SHQ1: variants seen among roughly 807,000 people sequenced by gnomAD.
SHQ1 encodes protein SHQ1 homolog.
SHQ1 carries 49 observed loss-of-function variants against 53.8 expected under a neutral mutation model. That is an observed-to-expected ratio of 0.91 (90% CI 0.72 to 1.16). SHQ1 has a LOEUF of 1.16. Ranked by LOEUF, SHQ1 falls within the 50% of genes most tolerant of loss-of-function variation. The pLI, the probability that SHQ1 is intolerant of heterozygous loss-of-function variation, is 0.00. For synonymous variants in SHQ1, 243 were observed against 251.0 expected (o/e 0.97, Z 0.30); for missense variants, 738 against 683.1 (o/e 1.08, Z -0.90).
chr3:72,760,542 T>C (rs1323380670), intron 10 of SHQ1, among the ~76,000 whole-genome samples: 1 of 152,198 alleles, frequency 6.6e-6, no homozygotes, highest in Admixed American at 6.5e-5. Flanking sequence ...CTGGGTACTT[T>C]GATGCAGCTT....
intron 4 of SHQ1, among the ~76,000 whole-genome samples, chr3:72,838,951 TAA>T (rs553872568): frequency 5.9e-5 from 8 of 136,490 alleles, no homozygotes; most frequent in African/African-American, 5.3e-5. Context: ...TATAGCAGCT[TAA>T]AAAAAAAAAA....
At chr3:72,753,384 G>C (rs1253525913) in intron 10 of SHQ1, 1 of 985,274 alleles carries the variant, frequency 1.0e-6, no homozygotes, top group Admixed American at 6.2e-5. Flanking sequence ...GAACAAAGAT[G>C]GTATTTTAAT....
chr3:72,772,755 T>C (rs867700307), intron 10 of SHQ1: 31 of 751,248 alleles, frequency 4.1e-5, no homozygotes, highest in South Asian at 4.0e-4. Flanking sequence ...ATGATCTTCA[T>C]GGAATCCCTA....
intron 9 of SHQ1, among the ~76,000 whole-genome samples, chr3:72,799,880 C>T (rs1706733887): frequency 6.6e-6 from 1 of 152,136 alleles, no homozygotes; most frequent in Non-Finnish European, 1.5e-5. Flanking sequence ...TACCATCTAT[C>T]CAAGTCTCAA....
Position 72,817,280 on chromosome 3 carries a change from TATCA to T in SHQ1, c.828_831del (p.Asp277SerfsTer27), listed in dbSNP as rs571329853. ...GTTTCATAGCAATATGCCAGAAGGATATCAATCAAACTGTAGCACACTTGACGAC... is the reference window on the plus strand; with the variant it reads ...GTTTCATAGCAATATGCCAGAAGGATATCAAACTGTAGCACACTTGACGAC... On this transcript the variant is annotated frameshift_variant, in exon 7 of 11. Coordinates refer to ENST00000325599, the MANE Select transcript of SHQ1 (RefSeq NM_018130.3). LOFTEE classifies it high-confidence loss of function. The T allele has an allele frequency of 1.2e-3, 1,859 of 1,613,892 alleles. No individual in the cohort carries two copies. The highest frequency in any genetic ancestry group is 1.5e-3 in the Non-Finnish European group (1,735 of 1,179,814).
At chr3:72,822,902 C>A (rs1707521834) in intron 6 of SHQ1, among the ~76,000 whole-genome samples, 1 of 152,168 alleles carries the variant, frequency 6.6e-6, no homozygotes, top group Non-Finnish European at 1.5e-5. Flanking sequence ...GTAATCCCAG[C>A]ACTTTGGGAG....
intron 9 of SHQ1, among the ~76,000 whole-genome samples, chr3:72,799,402 T>G (rs1706719593): frequency 6.6e-6 from 1 of 152,198 alleles, no homozygotes; most frequent in Non-Finnish European, 1.5e-5. Flanking sequence ...ACACTAATTT[T>G]CATATGTCAT....
intron 4 of SHQ1, among the ~76,000 whole-genome samples, chr3:72,832,820 C>T (rs565243462): frequency 6.6e-6 from 1 of 152,320 alleles, no homozygotes; most frequent in East Asian, 1.9e-4. Context: ...TCCCCATTTA[C>T]ACCTAGAGAT....
intron 2 of SHQ1, 21 bp downstream of exon 2, chr3:72,844,338 C>G (rs1559703211): frequency 6.2e-7 from 1 of 1,605,026 alleles, no homozygotes; most frequent in African/African-American, 1.3e-5. Flanking sequence ...AATAAACTAA[C>G]AAAAATTCCA....
At chr3:72,809,059 C>A (rs77398920) in intron 9 of SHQ1, among the ~76,000 whole-genome samples, 14 of 152,164 alleles carry the variant, frequency 9.2e-5, no homozygotes, top group Non-Finnish European at 1.8e-4. Context: ...GAGAGTACAA[C>A]CTGCTTACCC....
At chr3:72,777,861 T>C (rs896556067) in intron 10 of SHQ1, among the ~76,000 whole-genome samples, 1 of 152,192 alleles carries the variant, frequency 6.6e-6, no homozygotes, top group African/African-American at 2.4e-5. Context: ...AATGGGATAG[T>C]ACACTGCAGG....
intron 9 of SHQ1, among the ~76,000 whole-genome samples, chr3:72,800,073 G>T (rs1706738672): frequency 6.6e-6 from 1 of 152,142 alleles, no homozygotes; most frequent in Non-Finnish European, 1.5e-5. Context: ...GGCCTAATGA[G>T]AGGTATTTAG....
chr3:72,837,754 G>A (rs1021698540), intron 4 of SHQ1, among the ~76,000 whole-genome samples: 2 of 152,132 alleles, frequency 1.3e-5, no homozygotes, highest in Non-Finnish European at 2.9e-5. Flanking sequence ...CATAGAATTA[G>A]GGTCATATTA....
At chr3:72,843,897 T>C (rs1434752687) in intron 2 of SHQ1, among the ~76,000 whole-genome samples, 1 of 152,192 alleles carries the variant, frequency 6.6e-6, no homozygotes, top group Non-Finnish European at 1.5e-5. Context: ...CTAGCTGAAA[T>C]GAAGGGCTTA....
rs1707710796 is a variant in SHQ1, at chr3:72,827,964, C to T, written c.600-3413G>A. On this transcript the variant is annotated intron_variant, in intron 5 of 10. Transcript: ENST00000325599. Reference sequence around the variant, plus strand: ...TAGAGATGGGGTTTCACCATGTTAGCCAGGATGGTCTCAATCTCCTGACCT... The same window carrying T: ...TAGAGATGGGGTTTCACCATGTTAGTCAGGATGGTCTCAATCTCCTGACCT... Among the ~76,000 whole-genome samples, 3 of 151,992 alleles carry T rather than the reference C, an allele frequency of 2.0e-5. No individual in the cohort carries two copies. In the South Asian group the frequency reaches 6.2e-4, roughly 32 times the overall value.
chr3:72,797,708 T>C (rs918561888), intron 9 of SHQ1, among the ~76,000 whole-genome samples: 1 of 152,224 alleles, frequency 6.6e-6, no homozygotes, highest in African/African-American at 2.4e-5. Context: ...ATGTGACAAA[T>C]ATGGTAAAGA....
chr3:72,775,152 T>TTAGC (rs1431851004), intron 10 of SHQ1, among the ~76,000 whole-genome samples: 1 of 151,800 alleles, frequency 6.6e-6, no homozygotes, highest in Non-Finnish European at 1.5e-5. Context: ...TTTTTAAAAA[T>TTAGC]TAGCTAATCA....
At position 72,793,182 on chromosome 3, in the gene SHQ1, C is replaced by G. The variant is rs1706495786; in HGVS notation, c.1061-146G>C. ...AAAAAATTTATGAGTCCTATTAGGT[C>G]CAAACCCCTTTACTGATTTCCTTAA... is the stretch of plus-strand genomic sequence containing the variant. On this transcript the variant is annotated intron_variant, in intron 9 of 10. Coordinates refer to ENST00000325599, the MANE Select transcript of SHQ1 (RefSeq NM_018130.3). 4.7e-6 allele frequency: 3 copies of G among 637,592 alleles called. No homozygotes were observed. The South Asian group carries it at 6.4e-5, about 14-fold the overall frequency. The allele number at this position is 637,592 out of a possible 1,614,324, so 39.5% of individuals were successfully genotyped here.
chr3:72,767,912 T>A (rs1347203723), intron 10 of SHQ1, among the ~76,000 whole-genome samples: 1 of 152,190 alleles, frequency 6.6e-6, no homozygotes, highest in East Asian at 1.9e-4. Flanking sequence ...CAAACGATGC[T>A]ATCAAAATGC....
Sources: gnomAD v4.1 joint callset for allele counts (sites outside exome capture counted in the v4.1 genomes callset) on GRCh38, gnomAD v4.1.1 for gene constraint, MANE v1.5 for transcripts, NCBI Gene and HGNC (gene_info 2026-07-23, HGNC 2026-07-21) for gene names.